Variants in HDAC1 observed in about 807,000 individuals in gnomAD.
HDAC1 encodes the protein histone deacetylase 1, also known as protein deacetylase HDAC1.
HDAC1 carries 18 observed loss-of-function variants against 65.5 expected under a neutral mutation model. That is an observed-to-expected ratio of 0.27 (90% CI 0.19 to 0.41). HDAC1 has a LOEUF of 0.41. HDAC1 is among the 10% of genes least tolerant of loss of function. HDAC1 has a pLI of 1.00. For synonymous variants in HDAC1, 211 were observed against 227.9 expected, an observed-to-expected ratio of 0.93 and a Z score of 0.67; for missense variants, 373 against 625.2, an observed-to-expected ratio of 0.60 and a Z score of 4.30.
chr1:32,328,294 C>T (rs1472169456), intron 6 of HDAC1, among the ~76,000 whole-genome samples: 7 of 151,542 alleles, frequency 4.6e-5, no homozygotes, highest in Middle Eastern at 3.4e-3. Context: ...CCATGGCAAG[C>T]GTTAGAATAA....
At chr1:32,328,513 G>T (rs1009772681) in intron 6 of HDAC1, among the ~76,000 whole-genome samples, 1 of 152,216 alleles carries the variant, frequency 6.6e-6, no homozygotes, top group Non-Finnish European at 1.5e-5. Context: ...AAGAGATGGG[G>T]TTTTGCCATG....
At chr1:32,306,182 TTTTC>T (rs1025538311) in intron 2 of HDAC1, among the ~76,000 whole-genome samples, 17 of 151,190 alleles carry the variant, frequency 1.1e-4, no homozygotes, top group Non-Finnish European at 2.5e-4. Flanking sequence ...TTTTTTTTCT[TTTTC>T]TTTTTCTTTT....
chr1:32,295,284 T>C (rs1478399507), intron 1 of HDAC1, among the ~76,000 whole-genome samples: 5 of 151,958 alleles, frequency 3.3e-5, no homozygotes, highest in Non-Finnish European at 1.5e-5. Context: ...CATGATGGCA[T>C]GTGCCTGTAG....
Position 32,331,562 on chromosome 1 carries a change from T to C in HDAC1, c.1068T>C (p.Asn356=). ...SPSNMTNQNT[N]EYLEKIKQRL... is the part of the protein sequence containing the mutation. ...CCAATATGACTAACCAGAACACGAA[T>C]GAGTACCTGGAGAAGATCAAGTGAG... Residue 356 remains asparagine, a synonymous_variant, in exon 10 of 14, where the codon AAT becomes AAC. Transcript: ENST00000373548. The surrounding 1 kb of genome is among the most constrained non-coding windows in gnomAD (Gnocchi z 4.2). 1 of 1,611,186 alleles carries C rather than the reference T, an allele frequency of 6.2e-7. No homozygotes were observed. The highest frequency in any genetic ancestry group is 2.2e-5 in the East Asian group (1 of 44,858).
intron 1 of HDAC1, among the ~76,000 whole-genome samples, chr1:32,293,355 C>A (rs906184976): frequency 6.6e-6 from 1 of 151,466 alleles, no homozygotes; most frequent in Non-Finnish European, 1.5e-5. Flanking sequence ...AAATAGGGAC[C>A]GGACCATGAA....
intron 6 of HDAC1, among the ~76,000 whole-genome samples, chr1:32,328,451 G>C (rs1388507694): frequency 6.6e-6 from 1 of 152,076 alleles, no homozygotes; most frequent in African/African-American, 2.4e-5. Flanking sequence ...CCGGGATTTA[G>C]CTGGGATTAT....
chr1:32,300,552 C>T lies in HDAC1; in HGVS notation c.50-2069C>T, dbSNP rs139808013. On this transcript the variant is annotated intron_variant, in intron 1 of 13. Coordinates refer to ENST00000373548, the MANE Select transcript of HDAC1 (RefSeq NM_004964.3). ...CAGCCTAGGCGACAGAGTGAGACTC[C>T]GTCTCAAGAAATAAAAAAAAAAAGA... Among the ~76,000 whole-genome samples, 1,373 of 151,510 alleles carry T rather than the reference C, an allele frequency of 9.1e-3. 3 individuals are homozygous for T. The highest frequency in any genetic ancestry group is 0.034 in the Middle Eastern group (10 of 294).
chr1:32,315,615 A>C (rs1212855502), intron 2 of HDAC1, among the ~76,000 whole-genome samples: 2 of 150,972 alleles, frequency 1.3e-5, no homozygotes, highest in Non-Finnish European at 3.0e-5. Context: ...AGCCTCCCAA[A>C]GTGCTGGGAT....
chr1:32,302,740 T>A lies in HDAC1; in HGVS notation c.162+7T>A, dbSNP rs1640866675. ...CCGAAAAATGGAAATCTATGTGAGT[T>A]ACCAGAGGTGCTACCGCTCCCTAAC... On this transcript the variant is annotated splice_region_variant and intron_variant, in intron 2 of 13. Transcript: ENST00000373548. 1 of 1,309,232 alleles carries A rather than the reference T, an allele frequency of 7.6e-7. No individual in the cohort carries two copies. The highest frequency in any genetic ancestry group is 1.7e-5 in the Admixed American group (1 of 59,634). 81.1% of individuals were successfully genotyped at this position (1,309,232 alleles called of 1,614,324 possible). A position where few individuals can be genotyped will look rare whatever the true frequency, so the allele number is the denominator to read the frequency against.
chr1:32,298,859 G>A (rs369232415), intron 1 of HDAC1, among the ~76,000 whole-genome samples: 10 of 152,198 alleles, frequency 6.6e-5, no homozygotes, highest in East Asian at 5.8e-4. Flanking sequence ...TTAGCCAGGC[G>A]TGGTGGCACA....
Position 32,331,431 on chromosome 1 carries a change from G to T in HDAC1, c.980-43G>T. On this transcript the variant is annotated intron_variant, in intron 9 of 13. Coordinates refer to ENST00000373548, the MANE Select transcript of HDAC1 (RefSeq NM_004964.3). This position sits in a 1 kb window ranked among gnomAD's most constrained non-coding sequence, Gnocchi z 4.2. Reference sequence around the variant, plus strand: ...GCTTACGTGCAAATGGTTAGGGTGCGGTGGCCAGGTCTCTTGACGGTCTTC... The same window carrying T: ...GCTTACGTGCAAATGGTTAGGGTGCTGTGGCCAGGTCTCTTGACGGTCTTC... The T allele has an allele frequency of 1.8e-6, 2 of 1,117,016 alleles. No homozygotes were observed. The highest frequency in any genetic ancestry group is 2.5e-5 in the South Asian group (2 of 80,896). 69.2% of individuals were successfully genotyped at this position (1,117,016 alleles called of 1,614,324 possible).
At chr1:32,295,850 C>A (rs1468092864) in intron 1 of HDAC1, among the ~76,000 whole-genome samples, 4 of 152,100 alleles carry the variant, frequency 2.6e-5, no homozygotes, top group African/African-American at 7.2e-5. Context: ...GGCTCAGCCT[C>A]CCAAAGTGTT....
At chr1:32,302,515 A>G in intron 1 of HDAC1, 106 bp from the exon 2 acceptor site, 1 of 641,884 alleles carries the variant, frequency 1.6e-6, no homozygotes, top group Non-Finnish European at 2.9e-6. Context: ...GAAACTAGAA[A>G]TGAGCCAGAA....
intron 1 of HDAC1, among the ~76,000 whole-genome samples, chr1:32,298,082 C>T (rs1281765752): frequency 1.4e-5 from 2 of 143,456 alleles, no homozygotes; most frequent in Non-Finnish European, 3.0e-5. Flanking sequence ...AGCCAGCGCG[C>T]CCGGCCTTTT....
intron 2 of HDAC1, among the ~76,000 whole-genome samples, chr1:32,311,756 T>C (rs1322884368): frequency 6.6e-6 from 1 of 152,154 alleles, no homozygotes; most frequent in African/African-American, 2.4e-5. Flanking sequence ...GCTTCTAGGC[T>C]CTCAACAACA....
chr1:32,312,981 C>T lies in HDAC1; in HGVS notation c.163-3684C>T, dbSNP rs1007112461. 4.0e-5 allele frequency among the ~76,000 whole-genome samples: 6 copies of T among 151,134 alleles called. No individual in the cohort carries two copies. The East Asian group carries it at 7.9e-4, about 20-fold the overall frequency. On this transcript the variant is annotated intron_variant, in intron 2 of 13. Coordinates refer to ENST00000373548, the MANE Select transcript of HDAC1 (RefSeq NM_004964.3). ...GTGAGCCACCGCACCTGGCCATGAA[C>T]TTTAAAAGGTGTTTTTTTGTTTTGT...
At chr1:32,324,579 G>GTCTACCCCT in intron 4 of HDAC1, 26 bp downstream of exon 4, 4 of 1,481,690 alleles carry the variant, frequency 2.7e-6, no homozygotes, top group Non-Finnish European at 3.8e-6. Context: ...CTTCTCCCCA[G>GTCTACCCCT]GGGTAGACTG....
In HDAC1 at chr1:32,333,177, A is replaced by G. The variant is rs999425715; in HGVS notation, c.*133A>G. On this transcript the variant is annotated 3_prime_UTR_variant, in exon 14 of 14. Transcript: ENST00000373548. The stretch of plus-strand genomic sequence containing the variant: ...AATATAAATATCCCCAGGGACAGAA[A>G]CCAAGGCCCCGAGCTCAGGGCAGCT... 9.4e-6 allele frequency: 7 copies of G among 743,754 alleles called. No homozygotes were observed. Among genetic ancestry groups the G allele is most frequent in the Non-Finnish European group, 1.5e-5 (7 of 476,876 alleles). The allele number at this position is 743,754 out of a possible 1,614,324, so 46.1% of individuals were successfully genotyped here. A position where few individuals can be genotyped will look rare whatever the true frequency, so the allele number is the denominator to read the frequency against.
intron 4 of HDAC1, among the ~76,000 whole-genome samples, chr1:32,325,204 A>T (rs1641201190): frequency 6.6e-6 from 1 of 152,234 alleles, no homozygotes; most frequent in African/African-American, 2.4e-5. Flanking sequence ...TGTCCTATGA[A>T]AAAGTATGGT....
Sources: gnomAD v4.1 joint callset for allele counts (sites outside exome capture counted in the v4.1 genomes callset) on GRCh38, gnomAD v4.1.1 for gene constraint, Gnocchi (gnomAD v3.1) non-coding constraint, MANE v1.5 for transcripts, NCBI Gene and HGNC (gene_info 2026-07-23, HGNC 2026-07-21) for gene names.